The following TTC3 variants were observed in gnomAD, a reference collection of about 807,000 sequenced individuals.
TTC3 encodes the protein E3 ubiquitin-protein ligase TTC3.
Under a neutral mutation model 249.6 loss-of-function variants are expected in TTC3, and 180 were observed. The ratio of observed to expected loss-of-function variants is 0.72; its 90% CI spans 0.64 to 0.82. The LOEUF (loss-of-function observed/expected upper bound fraction) is 0.82, where lower values mean the gene tolerates loss of function less well. Among genes scored for constraint, TTC3 ranks in the 40% least tolerant of loss-of-function variants. The pLI, the probability that TTC3 is intolerant of heterozygous loss-of-function variation, is 0.00. For missense variants in TTC3, 2,061 were observed against 2,398.4 expected (o/e 0.86, Z 2.94); for synonymous variants, 717 against 805.0 (o/e 0.89, Z 1.85).
Position 37,165,473 on chromosome 21 carries a change from G to A in TTC3, c.3336-77G>A, listed in dbSNP as rs191849516. 62 of 1,107,002 alleles carry A rather than the reference G, an allele frequency of 5.6e-5. No homozygotes were observed. The Admixed American group carries it at 1.2e-3, about 22-fold the overall frequency. 68.6% of individuals were successfully genotyped at this position (1,107,002 alleles called of 1,614,324 possible). ...AGTGAAACAGTGTTTTCCTTTGGGAGAATAAAAGTTTTTTTCAAATAGACA... is the reference window on the plus strand; with the variant it reads ...AGTGAAACAGTGTTTTCCTTTGGGAAAATAAAAGTTTTTTTCAAATAGACA... On this transcript the variant is annotated intron_variant, in intron 32 of 45. Coordinates refer to ENST00000355666, the Ensembl canonical transcript of TTC3.
chr21:37,158,624 A>C (rs924784120), intron 28 of TTC3, among the ~76,000 whole-genome samples: 1 of 152,142 alleles, frequency 6.6e-6, no homozygotes, highest in Non-Finnish European at 1.5e-5. Context: ...ATGATCCCCT[A>C]GGGTATTTCT....
intron 10 of TTC3, among the ~76,000 whole-genome samples, chr21:37,099,736 G>A (rs1225933478): frequency 1.3e-5 from 2 of 152,156 alleles, no homozygotes; most frequent in African/African-American, 2.4e-5. Context: ...ACTTTGGAGA[G>A]CAATTTGACA....
rs2073084657 is a variant in TTC3 at position 37,090,293 on chromosome 21, GTTAAACACT to G, written c.480+8_480+16del. 1 of 1,602,826 alleles carries G rather than the reference GTTAAACACT, an allele frequency of 6.2e-7. No homozygotes were observed. Among genetic ancestry groups the G allele is most frequent in the Non-Finnish European group, 8.5e-7 (1 of 1,173,652 alleles). ...TGGTTGTAAAATAGAAAATGTAAGTGTTAAACACTGAAACTGGCACAGCCACTGTGGATG... is the reference window on the plus strand; with the variant it reads ...TGGTTGTAAAATAGAAAATGTAAGTGGAAACTGGCACAGCCACTGTGGATG... On this transcript the variant is annotated splice_region_variant and intron_variant, in intron 6 of 45. Coordinates refer to ENST00000355666, the Ensembl canonical transcript of TTC3.
exon 41 of TTC3, chr21:37,192,127 C>A (rs1430438729): frequency 6.3e-7 from 1 of 1,599,864 alleles, no homozygotes; most frequent in Non-Finnish European, 8.5e-7. Context: ...GTTTGAAGAA[C>A]AAATTAAGGC....
chr21:37,083,105 G>A (rs1305223378), intron 1 of TTC3: 2 of 985,316 alleles, frequency 2.0e-6, no homozygotes, highest in African/African-American at 1.7e-5. Context: ...TGTTTACAGA[G>A]AAGAGGTGCA....
chr21:37,188,576 A>C (rs1227359353), exon 39 of TTC3: 1 of 1,614,052 alleles, frequency 6.2e-7, no homozygotes, highest in Non-Finnish European at 8.5e-7. Flanking sequence ...CTTTCTGAAG[A>C]AGCTGGGGCT....
chr21:37,128,866 C>T (rs2077243720), intron 15 of TTC3, 137 bp from the exon 16 acceptor site: 4 of 442,788 alleles, frequency 9.0e-6, no homozygotes, highest in Admixed American at 4.3e-5. Flanking sequence ...TTTGGCTTAC[C>T]CTTTTGTAGT....
chr21:37,082,041 AT>A (rs1036444100), intron 1 of TTC3: 6 of 151,002 alleles, frequency 4.0e-5, no homozygotes, highest in Admixed American at 6.6e-5. Flanking sequence ...ATTTTTTTGT[AT>A]TTTTAGTAGA....
intron 5 of TTC3, 97 bp from the exon 6 acceptor site, chr21:37,090,136 A>G (rs1426876179): frequency 9.9e-6 from 8 of 809,246 alleles, no homozygotes; most frequent in East Asian, 2.5e-5. Context: ...CTGAGTACAT[A>G]TAGTAGTGTT....
At chr21:37,082,601 A>G (rs1436881345) in intron 1 of TTC3, 1 of 985,316 alleles carries the variant, frequency 1.0e-6, no homozygotes, top group East Asian at 1.1e-4. Flanking sequence ...TACTTGTAGC[A>G]CTAAACTGTA....
At chr21:37,198,190 A>G (rs1327464579) in intron 44 of TTC3, among the ~76,000 whole-genome samples, 165 bp downstream of exon 44, 1 of 152,258 alleles carries the variant, frequency 6.6e-6, no homozygotes, top group Non-Finnish European at 1.5e-5. Context: ...GCAATCAGTG[A>G]ATGGCCGAGG....
rs776373483 is a variant in TTC3, at chr21:37,088,301, A to G, written c.293A>G (p.Gln98Arg). The change falls in exon 4 of 46, where the codon CAA becomes CGA. Residue 98 changes from glutamine to arginine, a missense_variant. Coordinates refer to ENST00000355666, the Ensembl canonical transcript of TTC3. ...TTCTGGCCACTTCTGTTTCAACATC[A>G]AAACAGTTCCGTAATATCACGATTG... The G allele has an allele frequency of 1.9e-6, 3 of 1,613,700 alleles. No individual in the cohort carries two copies. The highest frequency in any genetic ancestry group is 3.3e-5 in the Admixed American group (2 of 59,970).
chr21:37,165,310 T>G (rs991874790), intron 32 of TTC3, among the ~76,000 whole-genome samples: 1 of 152,218 alleles, frequency 6.6e-6, no homozygotes, highest in South Asian at 2.1e-4. Context: ...GATTTCCTTT[T>G]GCTTTCCCCT....
At chr21:37,201,861 G>C (rs2085534175) in exon 46 of TTC3, 1 of 393,308 alleles carries the variant, frequency 2.5e-6, no homozygotes, top group Non-Finnish European at 4.6e-6. Context: ...AAAGTACTAT[G>C]AACGTCTCGA....
intron 12 of TTC3, 135 bp downstream of exon 12, chr21:37,122,114 C>G (rs1568977645): frequency 1.3e-6 from 1 of 775,020 alleles, no homozygotes; most frequent in Non-Finnish European, 1.9e-6. Flanking sequence ...TTATCTTGGT[C>G]ATGGCACTTG....
intron 42 of TTC3, among the ~76,000 whole-genome samples, chr21:37,196,375 T>TATAG (rs1387727785): frequency 6.6e-6 from 1 of 152,006 alleles, no homozygotes; most frequent in Non-Finnish European, 1.5e-5. Flanking sequence ...AAGCTGGGAT[T>TATAG]ATAGGCATGC....
At chr21:37,124,360 A>G (rs1392415742) in intron 13 of TTC3, among the ~76,000 whole-genome samples, 4 of 151,188 alleles carry the variant, frequency 2.6e-5, no homozygotes, top group Non-Finnish European at 4.4e-5. Context: ...TAGCTGATCC[A>G]CCTGCCCTGG....
At chr21:37,196,428 G>A (rs192017855) in intron 42 of TTC3, among the ~76,000 whole-genome samples, 8 of 152,094 alleles carry the variant, frequency 5.3e-5, no homozygotes, top group Admixed American at 3.9e-4. Flanking sequence ...GTACAGGTGG[G>A]GTTTCACCAT....
At chr21:37,138,038 T>A (rs73204024) in intron 18 of TTC3, among the ~76,000 whole-genome samples, 18,959 of 152,198 alleles carry the variant, frequency 0.12, 1,332 homozygotes, top group Admixed American at 0.16. Flanking sequence ...AGTATAATTT[T>A]AAAAAAAGTT....
Sources: gnomAD v4.1 joint callset for allele counts (sites outside exome capture counted in the v4.1 genomes callset) on GRCh38, gnomAD v4.1.1 for gene constraint, MANE v1.5 for transcripts, NCBI Gene and HGNC (gene_info 2026-07-23, HGNC 2026-07-21) for gene names.